KCNIP4: variants seen among roughly 807,000 people sequenced by gnomAD.
KCNIP4 encodes the protein Kv channel-interacting protein 4.
In KCNIP4, 12 loss-of-function variants were observed where a neutral mutation model predicts 34.0. The observed-to-expected ratio is 0.35, with a 90% CI of 0.23 to 0.57. The LOEUF (loss-of-function observed/expected upper bound fraction) is 0.57, where lower values mean the gene tolerates loss of function less well. Among genes scored for constraint, KCNIP4 ranks in the 20% least tolerant of loss-of-function variants. The pLI is 0.83. For missense variants in KCNIP4, 238 were observed against 311.7 expected (o/e 0.76, Z 1.78); for synonymous variants, 124 against 102.2 (o/e 1.21, Z -1.29).
chr4:21,159,334 C>T (rs1415334263), intron 1 of KCNIP4, among the ~76,000 whole-genome samples: 1 of 152,202 alleles, frequency 6.6e-6, no homozygotes, highest in East Asian at 1.9e-4. Context: ...ATGCTATAGG[C>T]TAAGCAATGG....
intron 1 of KCNIP4, among the ~76,000 whole-genome samples, chr4:21,713,696 G>A (rs1713924512): frequency 6.6e-6 from 1 of 152,206 alleles, no homozygotes; most frequent in African/African-American, 2.4e-5. Context: ...ACATTAGAAT[G>A]TATTCCTTCT....
rs187921810 is a variant in KCNIP4 at position 21,747,126 on chromosome 4, T to C, written c.61+201445A>G. ...TTTGCTTTCACTCTGCCACATGGTT[T>C]TTAACCAACTTTTATGTTGACATAA... On this transcript the variant is annotated intron_variant, in intron 1 of 8. Coordinates refer to ENST00000382152, the MANE Select transcript of KCNIP4 (RefSeq NM_025221.6). Among the ~76,000 whole-genome samples the C allele has an allele frequency of 2.6e-4, 40 of 152,288 alleles. 1 individual carries two copies. Among genetic ancestry groups the C allele is most frequent in the Admixed American group, 1.0e-3 (16 of 15,286 alleles).
chr4:21,675,953 G>A (rs1192774376), intron 1 of KCNIP4, among the ~76,000 whole-genome samples: 1 of 152,126 alleles, frequency 6.6e-6, no homozygotes, highest in Non-Finnish European at 1.5e-5. Context: ...TGGGATTTTA[G>A]CCCAAGAACA....
At chr4:21,567,357 G>C (rs2109044277) in intron 1 of KCNIP4, among the ~76,000 whole-genome samples, 1 of 152,066 alleles carries the variant, frequency 6.6e-6, no homozygotes, top group East Asian at 1.9e-4. Flanking sequence ...TGATGTATCT[G>C]AGGACCTCTT....
chr4:21,340,251 A>G lies in KCNIP4; in HGVS notation c.62-457542T>C, dbSNP rs531006764. On this transcript the variant is annotated intron_variant, in intron 1 of 8. Coordinates refer to ENST00000382152, the MANE Select transcript of KCNIP4 (RefSeq NM_025221.6). ...ATTTATGATCTCCTAAAGCTTTCCA[A>G]GATGTAGTATCTCTCTCATCTGTTG... 9.0e-5 allele frequency among the ~76,000 whole-genome samples: 7 copies of G among 77,634 alleles called. No individual in the cohort carries two copies. In the South Asian group the frequency reaches 9.6e-4, roughly 11 times the overall value. 50.9% of individuals were successfully genotyped at this position (77,634 alleles called of 152,430 possible).
At chr4:20,968,644 G>A (rs1398345683) in intron 1 of KCNIP4, among the ~76,000 whole-genome samples, 6 of 151,998 alleles carry the variant, frequency 3.9e-5, no homozygotes, top group African/African-American at 7.3e-5. Context: ...GGATGAAGCT[G>A]GAAACCATCA....
chr4:20,746,891 A>G (rs886072226), intron 5 of KCNIP4, among the ~76,000 whole-genome samples: 2 of 152,144 alleles, frequency 1.3e-5, no homozygotes, highest in African/African-American at 4.8e-5. Flanking sequence ...ACCTCTCAGT[A>G]TGCTATTGCT....
intron 1 of KCNIP4, among the ~76,000 whole-genome samples, chr4:21,601,894 C>T (rs1228462059): frequency 6.6e-6 from 1 of 152,132 alleles, no homozygotes; most frequent in Non-Finnish European, 1.5e-5. Context: ...TCCTTGACCA[C>T]ACCATCAAAC....
chr4:21,203,583 C>T (rs888069694), intron 1 of KCNIP4, among the ~76,000 whole-genome samples: 1 of 152,122 alleles, frequency 6.6e-6, no homozygotes, highest in East Asian at 1.9e-4. Flanking sequence ...TGCATGTTAC[C>T]ACTAGAGCTC....
At chr4:21,455,835 A>ACAAAAT (rs1560422955) in intron 1 of KCNIP4, among the ~76,000 whole-genome samples, 43 of 115,792 alleles carry the variant, frequency 3.7e-4, no homozygotes, top group African/African-American at 7.6e-4. Context: ...ATATATATAT[A>ACAAAAT]TATATATATA....
intron 3 of KCNIP4, among the ~76,000 whole-genome samples, chr4:20,783,997 C>G (rs984075034): frequency 6.6e-6 from 1 of 152,086 alleles, no homozygotes; most frequent in East Asian, 1.9e-4. Flanking sequence ...TGCCCCTACC[C>G]TTTGGTTCCT....
At chr4:21,356,722 G>A (rs901618878) in intron 1 of KCNIP4, among the ~76,000 whole-genome samples, 5 of 151,980 alleles carry the variant, frequency 3.3e-5, no homozygotes, top group Admixed American at 6.6e-5. Flanking sequence ...AATCAATATC[G>A]TGAAAATGGC....
At chr4:20,992,634 T>G (rs1737180643) in intron 1 of KCNIP4, among the ~76,000 whole-genome samples, 1 of 152,186 alleles carries the variant, frequency 6.6e-6, no homozygotes, top group Non-Finnish European at 1.5e-5. Flanking sequence ...ATCATTTTCC[T>G]TATCTATGAG....
chr4:20,940,784 C>A (rs1332104428), intron 1 of KCNIP4, among the ~76,000 whole-genome samples: 2 of 152,154 alleles, frequency 1.3e-5, no homozygotes, highest in Non-Finnish European at 2.9e-5. Flanking sequence ...TTTGAACTAC[C>A]TTTGTCCATG....
rs910981431 is a variant in KCNIP4 at position 21,942,204 on chromosome 4, A to G, written c.61+6367T>C. Among the ~76,000 whole-genome samples, 8 of 152,176 alleles carry G rather than the reference A, an allele frequency of 5.3e-5. 1 individual carries two copies. The highest frequency in any genetic ancestry group is 1.3e-4 in the Admixed American group (2 of 15,280). On this transcript the variant is annotated intron_variant, in intron 1 of 8. Transcript: ENST00000382152. ...TCTCCATGCCTTTTTAAATTTTCCC[A>G]TTCCTTTCCACATCCACTGCTGTAA...
rs1553881616 is a variant in KCNIP4 at position 20,729,487 on chromosome 4, T to TAATAATTTTTAAATGTTTAAA, written c.*574_*594dup. Reference sequence around the variant, plus strand: ...GATAATAAACTAATTTTTAAATGTTTAATAATTTTTAAATGTTTAAAAATG... The same window carrying TAATAATTTTTAAATGTTTAAA: ...GATAATAAACTAATTTTTAAATGTTTAATAATTTTTAAATGTTTAAAAATAATTTTTAAATGTTTAAAAATG... On this transcript the variant is annotated 3_prime_UTR_variant, in exon 9 of 9. Transcript: ENST00000382152. The TAATAATTTTTAAATGTTTAAA allele has an allele frequency of 1.7e-5, 2 of 119,006 alleles. No homozygotes were observed. The highest frequency in any genetic ancestry group is 3.5e-5 in the Non-Finnish European group (2 of 56,818). The allele number at this position is 119,006 out of a possible 1,614,324, so 7.4% of individuals were successfully genotyped here.
intron 1 of KCNIP4, among the ~76,000 whole-genome samples, chr4:21,027,564 G>A (rs1468409668): frequency 6.8e-6 from 1 of 147,754 alleles, no homozygotes; most frequent in Non-Finnish European, 1.5e-5. Context: ...TATAATGTAT[G>A]TTATATATAT....
Position 21,050,915 on chromosome 4 carries a change from A to G in KCNIP4, c.62-168206T>C, listed in dbSNP as rs138209269. Among the ~76,000 whole-genome samples the G allele has an allele frequency of 3.6e-3, 552 of 152,262 alleles. 2 individuals are homozygous for G. Among genetic ancestry groups the G allele is most frequent in the Non-Finnish European group, 6.2e-3 (424 of 68,030 alleles). ...GTTTACCTTCAGCACCTCATTGAAG[A>G]GAGCTATATCCAAATTCAATTTATT... On this transcript the variant is annotated intron_variant, in intron 1 of 8. Transcript: ENST00000382152.
chr4:21,332,187 A>G (rs1715707404), intron 1 of KCNIP4, among the ~76,000 whole-genome samples: 1 of 152,108 alleles, frequency 6.6e-6, no homozygotes, highest in African/African-American at 2.4e-5. Flanking sequence ...AATATAACCT[A>G]TTCAGAAGCC....
Sources: gnomAD v4.1 joint callset for allele counts (sites outside exome capture counted in the v4.1 genomes callset) on GRCh38, gnomAD v4.1.1 for gene constraint, MANE v1.5 for transcripts, NCBI Gene and HGNC (gene_info 2026-07-23, HGNC 2026-07-21) for gene names.